Variants in TTC27 observed in about 807,000 individuals in gnomAD.
TTC27 encodes the protein tetratricopeptide repeat domain 27.
In TTC27, 79 loss-of-function variants were observed where a neutral mutation model predicts 115.9. The ratio of observed to expected loss-of-function variants is 0.68; its 90% CI spans 0.57 to 0.82. The LOEUF (loss-of-function observed/expected upper bound fraction) is 0.82, where lower values mean the gene tolerates loss of function less well. Among genes scored for constraint, TTC27 ranks in the 40% least tolerant of loss-of-function variants. TTC27 has a pLI of 0.00. For synonymous variants in TTC27, 401 were observed against 356.0 expected (o/e 1.13, Z -1.42); for missense variants, 1,054 against 993.1 (o/e 1.06, Z -0.82).
At chr2:32,642,142 C>T (rs1341924081) in intron 4 of TTC27, among the ~76,000 whole-genome samples, 1 of 152,048 alleles carries the variant, frequency 6.6e-6, no homozygotes, top group African/African-American at 2.4e-5. Context: ...CAGGTGTGAG[C>T]CACTGTGCCC....
At position 32,726,723 on chromosome 2, in the gene TTC27, A is replaced by G. The variant is rs185813116; in HGVS notation, c.1234-7105A>G. 9.2e-5 allele frequency among the ~76,000 whole-genome samples: 14 copies of G among 152,258 alleles called. No homozygotes were observed. In the East Asian group the frequency reaches 2.5e-3, roughly 27 times the overall value. On this transcript the variant is annotated intron_variant, in intron 10 of 19. Transcript: ENST00000317907. ...ATTTTTGTGTATCTTTCCAGCAGCA[A>G]CCTACTCTACTGGTACCAATTTACT...
chr2:32,650,350 TTTC>T (rs2151869702), intron 5 of TTC27, 117 bp downstream of exon 5: 13 of 488,912 alleles, frequency 2.7e-5, no homozygotes, highest in South Asian at 8.5e-5. Context: ...TTTTGAGTTG[TTTC>T]TTTTTTTTTT....
chr2:32,792,077 G>A (rs80007564), intron 16 of TTC27, among the ~76,000 whole-genome samples: 3,817 of 152,184 alleles, frequency 0.025, 161 homozygotes, highest in African/African-American at 0.088. Context: ...CATCTCCACA[G>A]TTTAGTTTTG....
chr2:32,685,015 C>CTTTTTTTT (rs70938361), intron 9 of TTC27, among the ~76,000 whole-genome samples: 1 of 116,304 alleles, frequency 8.6e-6, no homozygotes, highest in African/African-American at 3.1e-5. Context: ...TTGCCTTTTC[C>CTTTTTTTT]TTTTTTTTTT....
chr2:32,656,688 A>G (rs974957272), intron 5 of TTC27, among the ~76,000 whole-genome samples: 3 of 152,198 alleles, frequency 2.0e-5, no homozygotes, highest in African/African-American at 7.2e-5. Context: ...GATGAGACAC[A>G]CATGGACCCC....
chr2:32,731,737 T>G (rs560746439), intron 10 of TTC27, among the ~76,000 whole-genome samples: 7 of 152,192 alleles, frequency 4.6e-5, no homozygotes, highest in Non-Finnish European at 1.0e-4. Flanking sequence ...TTCATGGCAT[T>G]CAGGTCAAAT....
intron 10 of TTC27, among the ~76,000 whole-genome samples, chr2:32,705,164 TC>T (rs1667324313): frequency 6.6e-6 from 1 of 152,086 alleles, no homozygotes; most frequent in Non-Finnish European, 1.5e-5. Flanking sequence ...CTCTGTTAGT[TC>T]ATGTGAGAGC....
intron 8 of TTC27, among the ~76,000 whole-genome samples, chr2:32,674,869 A>G (rs1666142363): frequency 6.6e-6 from 1 of 151,920 alleles, no homozygotes; most frequent in African/African-American, 2.4e-5. Flanking sequence ...TCACTGTGTT[A>G]GCCAGGATGG....
chr2:32,726,151 C>T (rs575746640), intron 10 of TTC27, among the ~76,000 whole-genome samples: 6 of 152,330 alleles, frequency 3.9e-5, no homozygotes, highest in South Asian at 2.1e-4. Flanking sequence ...AGACCCCTTT[C>T]GCCCTGGAGA....
intron 9 of TTC27, among the ~76,000 whole-genome samples, chr2:32,690,255 A>G (rs533632542): frequency 6.6e-6 from 1 of 152,210 alleles, no homozygotes; most frequent in Non-Finnish European, 1.5e-5. Context: ...TGCTGCCTAT[A>G]TGAAAATTTG....
chr2:32,704,586 T>C (rs965402636), intron 10 of TTC27, among the ~76,000 whole-genome samples: 2 of 152,182 alleles, frequency 1.3e-5, no homozygotes, highest in Admixed American at 6.5e-5. Context: ...AGATCTCGTT[T>C]AGGCTTTATC....
intron 16 of TTC27, among the ~76,000 whole-genome samples, chr2:32,791,046 G>T (rs1458763966): frequency 6.6e-6 from 1 of 152,108 alleles, no homozygotes; most frequent in African/African-American, 2.4e-5. Context: ...TAAAACCCAG[G>T]AATGCTTTTC....
intron 10 of TTC27, among the ~76,000 whole-genome samples, 153 bp downstream of exon 10, chr2:32,703,073 C>T (rs1667245125): frequency 6.6e-6 from 1 of 152,222 alleles, no homozygotes; most frequent in Non-Finnish European, 1.5e-5. Context: ...AATTTAACTT[C>T]TTGGTTCCAA....
At chr2:32,682,851 T>TTTTTTTTTTTTG (rs1666486996) in intron 9 of TTC27, among the ~76,000 whole-genome samples, 1 of 107,314 alleles carries the variant, frequency 9.3e-6, no homozygotes, top group Non-Finnish European at 1.9e-5. Context: ...ATTGTTGTTT[T>TTTTTTTTTTTTG]TTTTTTTTTT....
In TTC27 at chr2:32,628,389, C is replaced by G. The variant is rs778329918; in HGVS notation, c.88+9C>G. 5 of 1,579,794 alleles carry G rather than the reference C, an allele frequency of 3.2e-6. No individual in the cohort carries two copies. The highest frequency in any genetic ancestry group is 4.3e-6 in the Non-Finnish European group (5 of 1,165,664). ...GGGGGTCGTCGGTTCAGGTGAGAGGCGCACCTACCGGGCCTTAGGCTATCG... is the reference window on the plus strand; with the variant it reads ...GGGGGTCGTCGGTTCAGGTGAGAGGGGCACCTACCGGGCCTTAGGCTATCG... On this transcript the variant is annotated intron_variant, in intron 1 of 19. Transcript: ENST00000317907.
intron 9 of TTC27, among the ~76,000 whole-genome samples, chr2:32,688,886 A>T (rs1184951165): frequency 1.3e-5 from 2 of 152,090 alleles, no homozygotes; most frequent in African/African-American, 4.8e-5. Flanking sequence ...AAATGAAAGT[A>T]TATGTCCTCA....
intron 10 of TTC27, among the ~76,000 whole-genome samples, chr2:32,723,122 A>G (rs182987656): frequency 6.6e-6 from 1 of 152,304 alleles, no homozygotes; most frequent in East Asian, 1.9e-4. Context: ...GGGATGAAGT[A>G]AAATATATTC....
chr2:32,754,900 A>G (rs1437619933), intron 12 of TTC27, among the ~76,000 whole-genome samples: 1 of 144,248 alleles, frequency 6.9e-6, no homozygotes, highest in East Asian at 2.2e-4. Context: ...TCCCTCCCGG[A>G]CGGGGTGGCT....
intron 4 of TTC27, among the ~76,000 whole-genome samples, chr2:32,645,851 G>C (rs1375462699): frequency 1.3e-5 from 2 of 151,440 alleles, no homozygotes; most frequent in Non-Finnish European, 2.9e-5. Context: ...CAAGTAGCTG[G>C]GACTACAGGT....
Sources: gnomAD v4.1 joint callset for allele counts (sites outside exome capture counted in the v4.1 genomes callset) on GRCh38, gnomAD v4.1.1 for gene constraint, MANE v1.5 for transcripts, NCBI Gene and HGNC (gene_info 2026-07-23, HGNC 2026-07-21) for gene names.